Variants in TRAPPC9 observed in about 807,000 individuals in gnomAD.
The protein encoded by TRAPPC9 is IKK2 binding protein.
In TRAPPC9, 83 loss-of-function variants were observed where a neutral mutation model predicts 124.0. The observed-to-expected ratio is 0.67, with a 90% CI of 0.56 to 0.80. TRAPPC9 has a LOEUF of 0.80. Among genes scored for constraint, TRAPPC9 ranks in the 30% least tolerant of loss-of-function variants. TRAPPC9 has a pLI of 0.00. For synonymous variants in TRAPPC9, 638 were observed against 617.5 expected (o/e 1.03, Z -0.49); for missense variants, 1,302 against 1,508.3 (o/e 0.86, Z 2.27).
intron 19 of TRAPPC9, among the ~76,000 whole-genome samples, chr8:139,960,729 G>A (rs946445057): frequency 2.4e-5 from 3 of 124,272 alleles, no homozygotes; most frequent in African/African-American, 7.7e-5. Context: ...GTGACCATGT[G>A]GGGGACACCC....
At chr8:140,449,814 T>C (rs899953773) in intron 2 of TRAPPC9, among the ~76,000 whole-genome samples, 7 of 152,228 alleles carry the variant, frequency 4.6e-5, no homozygotes, top group South Asian at 4.1e-4. Flanking sequence ...ACCTAGCCCT[T>C]ACCTCTCCAG....
chr8:140,018,425 G>A (rs1247263972), intron 18 of TRAPPC9, among the ~76,000 whole-genome samples: 5 of 147,746 alleles, frequency 3.4e-5, no homozygotes, highest in South Asian at 2.2e-4. Context: ...CCAGGTTCAC[G>A]CCATTCTCCT....
chr8:140,024,904 A>G (rs1840044911), intron 17 of TRAPPC9, among the ~76,000 whole-genome samples: 1 of 152,178 alleles, frequency 6.6e-6, no homozygotes, highest in Non-Finnish European at 1.5e-5. Flanking sequence ...CAAACTCCAC[A>G]CTCAGGATGC....
At chr8:140,346,993 G>C (rs1234040719) in intron 9 of TRAPPC9, among the ~76,000 whole-genome samples, 1 of 152,134 alleles carries the variant, frequency 6.6e-6, no homozygotes, top group Non-Finnish European at 1.5e-5. Context: ...GGGTAGCATC[G>C]GTTCCGGGGC....
At chr8:140,376,182 G>A (rs1041386906) in intron 7 of TRAPPC9, among the ~76,000 whole-genome samples, 2 of 152,088 alleles carry the variant, frequency 1.3e-5, no homozygotes, top group Non-Finnish European at 2.9e-5. Context: ...TGAAAACAAA[G>A]CAAAACAAAA....
intron 18 of TRAPPC9, among the ~76,000 whole-genome samples, chr8:140,013,123 T>A (rs1275019879): frequency 6.6e-6 from 1 of 152,174 alleles, no homozygotes; most frequent in Admixed American, 6.5e-5. Flanking sequence ...GGATAATTAA[T>A]GCTTTTGTGA....
chr8:140,247,398 G>T (rs2064013349), intron 16 of TRAPPC9, among the ~76,000 whole-genome samples: 2 of 152,140 alleles, frequency 1.3e-5, no homozygotes, highest in Admixed American at 1.3e-4. Flanking sequence ...CTGTCAAAAA[G>T]TCCAATGATA....
chr8:140,149,843 T>C (rs201137263), intron 17 of TRAPPC9, among the ~76,000 whole-genome samples: 1 of 146,252 alleles, frequency 6.8e-6, no homozygotes, highest in African/African-American at 2.5e-5. Flanking sequence ...GTGCGAGCAG[T>C]GGAGCCTACA....
rs192973260 is a variant in TRAPPC9 at position 139,730,626 on chromosome 8, C to T, written c.*435G>A. ...CCCAGGGAGGGTGGGAAGCTGCCCACGCCCTCAGGCTGTGCCCAGTCTCAT... is the reference window on the plus strand; with the variant it reads ...CCCAGGGAGGGTGGGAAGCTGCCCATGCCCTCAGGCTGTGCCCAGTCTCAT... On this transcript the variant is annotated 3_prime_UTR_variant, in exon 23 of 23. Coordinates refer to ENST00000438773, the MANE Select transcript of TRAPPC9 (RefSeq NM_001160372.4). 2.7e-5 allele frequency: 5 copies of T among 183,060 alleles called. No individual in the cohort carries two copies. Among genetic ancestry groups the T allele is most frequent in the East Asian group, 1.4e-4 (1 of 7,038 alleles). The allele number at this position is 183,060 out of a possible 1,614,324, so 11.3% of individuals were successfully genotyped here. A position where few individuals can be genotyped will look rare whatever the true frequency, so the allele number is the denominator to read the frequency against.
At chr8:140,313,305 C>A (rs532839258) in intron 9 of TRAPPC9, among the ~76,000 whole-genome samples, 6 of 152,186 alleles carry the variant, frequency 3.9e-5, no homozygotes, top group African/African-American at 1.4e-4. Flanking sequence ...CCCATACACA[C>A]TCTCGGTAAA....
intron 8 of TRAPPC9, among the ~76,000 whole-genome samples, chr8:140,360,947 G>C (rs1291201100): frequency 6.6e-6 from 1 of 152,062 alleles, no homozygotes; most frequent in Non-Finnish European, 1.5e-5. Flanking sequence ...ATGTTGCCCA[G>C]GCTGGTCTTG....
chr8:140,224,758 G>C (rs1223537604), intron 16 of TRAPPC9, among the ~76,000 whole-genome samples: 1 of 151,634 alleles, frequency 6.6e-6, no homozygotes, highest in Non-Finnish European at 1.5e-5. Flanking sequence ...CCAATTTTTG[G>C]TCTCAGTTCA....
rs771129526 is a variant in TRAPPC9, at chr8:140,252,886, G to A, written c.2322C>T (p.Thr774=). 6.2e-7 allele frequency: 1 copy of A among 1,614,054 alleles called. No homozygotes were observed. Among genetic ancestry groups the A allele is most frequent in the Non-Finnish European group, 8.5e-7 (1 of 1,180,014 alleles). ...GDFLSWKLEE[T]LAQFPLQPGK... ...CAGGCTGCAAAGGGAACTGGGCAAG[G>A]GTTTCCTCTAGCTTCCAGCTCAAGA... is the stretch of plus-strand genomic sequence containing the variant. Residue 774 remains threonine, a synonymous_variant, in exon 16 of 23, where the codon ACC becomes ACT. Transcript: ENST00000438773. This position sits in a 1 kb window ranked among gnomAD's most constrained non-coding sequence, Gnocchi z 4.2.
At chr8:140,310,064 A>G (rs909112725) in intron 10 of TRAPPC9, among the ~76,000 whole-genome samples, 3 of 152,216 alleles carry the variant, frequency 2.0e-5, no homozygotes, top group Non-Finnish European at 4.4e-5. Flanking sequence ...AAAAGAAACC[A>G]TTTCATTTGG....
At chr8:139,835,018 A>C (rs1351919410) in intron 21 of TRAPPC9, among the ~76,000 whole-genome samples, 1 of 152,178 alleles carries the variant, frequency 6.6e-6, no homozygotes, top group Non-Finnish European at 1.5e-5. Flanking sequence ...CCCAGATGCC[A>C]AAGGTGAAGA....
At chr8:139,823,093 C>T (rs533889449) in intron 21 of TRAPPC9, among the ~76,000 whole-genome samples, 2 of 152,288 alleles carry the variant, frequency 1.3e-5, no homozygotes, top group South Asian at 4.2e-4. Flanking sequence ...GCTTAGTTGC[C>T]TTCTCAGAGG....
intron 15 of TRAPPC9, among the ~76,000 whole-genome samples, chr8:140,256,211 G>A (rs1261596233): frequency 6.6e-6 from 1 of 152,208 alleles, no homozygotes; most frequent in Non-Finnish European, 1.5e-5. Context: ...TGGCTGCTCA[G>A]GGGAATGTGT....
intron 17 of TRAPPC9, among the ~76,000 whole-genome samples, chr8:140,112,978 T>C (rs1374253123): frequency 6.6e-6 from 1 of 152,072 alleles, no homozygotes; most frequent in Admixed American, 6.5e-5. Flanking sequence ...TAGCTGGGAC[T>C]ACAGGCATGA....
chr8:140,420,412 A>C (rs570149820), intron 5 of TRAPPC9, among the ~76,000 whole-genome samples: 4 of 152,222 alleles, frequency 2.6e-5, no homozygotes, highest in African/African-American at 9.6e-5. Context: ...AATAACCAAA[A>C]CTATCTTGAG....
Sources: gnomAD v4.1 joint callset for allele counts (sites outside exome capture counted in the v4.1 genomes callset) on GRCh38, gnomAD v4.1.1 for gene constraint, Gnocchi (gnomAD v3.1) non-coding constraint, MANE v1.5 for transcripts, NCBI Gene and HGNC (gene_info 2026-07-23, HGNC 2026-07-21) for gene names.